ARHGEF18: variants seen among roughly 807,000 people sequenced by gnomAD.
ARHGEF18 encodes Rho/Rac guanine nucleotide exchange factor 18.
ARHGEF18 carries 93 observed loss-of-function variants against 155.7 expected under a neutral mutation model. That is an observed-to-expected ratio of 0.60 (90% CI 0.50 to 0.71). ARHGEF18 has a LOEUF of 0.71. ARHGEF18 is among the 30% of genes least tolerant of loss of function. ARHGEF18 has a pLI of 0.00. For missense variants in ARHGEF18, 1,593 were observed against 1,816.1 expected, an observed-to-expected ratio of 0.88 and a Z score of 2.23; for synonymous variants, 742 against 753.1, an observed-to-expected ratio of 0.99 and a Z score of 0.24.
At chr19:7,349,586 C>G (rs985876372) in intron 1 of ARHGEF18, among the ~76,000 whole-genome samples, 1 of 151,530 alleles carries the variant, frequency 6.6e-6, no homozygotes, top group Non-Finnish European at 1.5e-5. Context: ...GAGACCAGCC[C>G]GGCCAACATG....
intron 10 of ARHGEF18, among the ~76,000 whole-genome samples, chr19:7,399,048 C>T (rs942173069): frequency 5.9e-5 from 9 of 152,176 alleles, no homozygotes; most frequent in African/African-American, 1.9e-4. Flanking sequence ...TTTGCTGCCA[C>T]CTCTCTGAAA....
In ARHGEF18 at chr19:7,464,704, C is replaced by CT; in HGVS notation, c.2904+14_2904+15insT. ...TCGCCGCAGGTGGTACGTGGATATC[C>CT]ATTTGCTCGGTACAGTCTGAGTCGT... On this transcript the variant is annotated intron_variant, in intron 23 of 28. Coordinates refer to ENST00000668164, the MANE Select transcript of ARHGEF18 (RefSeq NM_001367823.1). 1.2e-6 allele frequency: 2 copies of CT among 1,613,812 alleles called. No individual in the cohort carries two copies. The highest frequency in any genetic ancestry group is 1.7e-6 in the Non-Finnish European group (2 of 1,179,908).
downstream of ARHGEF18, among the ~76,000 whole-genome samples, chr19:7,474,808 C>G (rs952604051): frequency 2.2e-5 from 3 of 139,370 alleles, no homozygotes; most frequent in African/African-American, 9.8e-5. Context: ...CTGATTTGCT[C>G]CACCCCAACC....
rs1350785255 is a variant in ARHGEF18 at position 7,463,419 on chromosome 19, A to T, written c.2636-399A>T. ...CTTCCCCACAAAGTCACTCTCCCAT[A>T]TGGCCATTGTCACACAATCAGTGTA... On this transcript the variant is annotated intron_variant, in intron 21 of 28. Coordinates refer to ENST00000668164, the MANE Select transcript of ARHGEF18 (RefSeq NM_001367823.1). The surrounding 1 kb of genome is among the most constrained non-coding windows in gnomAD (Gnocchi z 5.2). 2.6e-5 allele frequency among the ~76,000 whole-genome samples: 4 copies of T among 152,142 alleles called. No individual in the cohort carries two copies. The highest frequency in any genetic ancestry group is 2.6e-4 in the Admixed American group (4 of 15,280).
intron 10 of ARHGEF18, among the ~76,000 whole-genome samples, chr19:7,432,936 G>T (rs1974044956): frequency 6.6e-6 from 1 of 152,198 alleles, no homozygotes. Flanking sequence ...GAAGCGGGAG[G>T]ATCACTTAAG....
intron 10 of ARHGEF18, among the ~76,000 whole-genome samples, chr19:7,429,743 A>G (rs938548752): frequency 2.6e-5 from 4 of 152,172 alleles, no homozygotes; most frequent in African/African-American, 9.7e-5. Context: ...GAGGGCCCAC[A>G]CCCATAAGAG....
At chr19:7,388,729 C>T (rs1182739663) in intron 10 of ARHGEF18, among the ~76,000 whole-genome samples, 6 of 151,120 alleles carry the variant, frequency 4.0e-5, no homozygotes, top group African/African-American at 9.7e-5. Context: ...TGCAGGCATG[C>T]GCCACCACGC....
chr19:7,436,738 G>A (rs917292293), intron 10 of ARHGEF18, among the ~76,000 whole-genome samples: 1 of 152,166 alleles, frequency 6.6e-6, no homozygotes, highest in African/African-American at 2.4e-5. Flanking sequence ...ATATTTGTAC[G>A]TTTAGGTCAT....
chr19:7,387,316 C>T (rs979085356), intron 10 of ARHGEF18, among the ~76,000 whole-genome samples: 1 of 151,968 alleles, frequency 6.6e-6, no homozygotes, highest in Non-Finnish European at 1.5e-5. Flanking sequence ...CCATGCCCGG[C>T]TAATTTTTTG....
At position 7,447,087 on chromosome 19, in the gene ARHGEF18, G is replaced by A. The variant is rs1975045891; in HGVS notation, c.1656G>A (p.Val552=). ...AGAGAATGAAAGAAAAGTACGGTGT[G>A]TTTTGTAGTGGCCACAATGAAGCTG... The part of the protein sequence containing the change: ...NGERMKEKYG[V]FCSGHNEAVS... Residue 552 remains valine (V), a synonymous_variant, in exon 15 of 29, where the codon GTG becomes GTA. Coordinates refer to ENST00000668164, the MANE Select transcript of ARHGEF18 (RefSeq NM_001367823.1). The A allele has an allele frequency of 6.2e-7, 1 of 1,613,842 alleles. No homozygotes were observed. Among genetic ancestry groups the A allele is most frequent in the Non-Finnish European group, 8.5e-7 (1 of 1,179,928 alleles).
At position 7,422,716 on chromosome 19, in the gene ARHGEF18, CTTTTTTTTTTT is replaced by C. The variant is rs67634093; in HGVS notation, c.968-17618_968-17608del. 2.2e-4 allele frequency among the ~76,000 whole-genome samples: 24 copies of C among 111,214 alleles called. No individual in the cohort carries two copies. The South Asian group carries it at 6.5e-3, about 30-fold the overall frequency. 73.0% of individuals were successfully genotyped at this position (111,214 alleles called of 152,430 possible). Reference sequence around the variant, plus strand: ...CACAACAAAATGTGTTCTAACTTTTCTTTTTTTTTTTTTTTTTTTTGAGATGGAGTCTCACC... The same window carrying C: ...CACAACAAAATGTGTTCTAACTTTTCTTTTTTTTTGAGATGGAGTCTCACC... On this transcript the variant is annotated intron_variant, in intron 10 of 28. Coordinates refer to ENST00000668164, the MANE Select transcript of ARHGEF18 (RefSeq NM_001367823.1).
intron 7 of ARHGEF18, among the ~76,000 whole-genome samples, chr19:7,380,418 GC>G (rs1970674393): frequency 6.6e-6 from 1 of 151,010 alleles, no homozygotes; most frequent in Non-Finnish European, 1.5e-5. Flanking sequence ...GGCGGAGCTT[GC>G]AGTGAGCCGA....
At chr19:7,439,235 C>T (rs62109768) in intron 10 of ARHGEF18, among the ~76,000 whole-genome samples, 59,340 of 149,758 alleles carry the variant, frequency 0.4, 12,427 homozygotes, top group East Asian at 0.59. Flanking sequence ...GCAGGAGGAC[C>T]GCTTGAAGTC....
At chr19:7,430,386 A>G (rs1973889621) in intron 10 of ARHGEF18, among the ~76,000 whole-genome samples, 2 of 139,812 alleles carry the variant, frequency 1.4e-5, no homozygotes, top group Admixed American at 7.2e-5. Flanking sequence ...TTTTTTTTTG[A>G]CAGATGAAGT....
chr19:7,444,770 C>T lies in ARHGEF18; in HGVS notation c.1611+316C>T, dbSNP rs951832328. On this transcript the variant is annotated intron_variant, in intron 14 of 28. Coordinates refer to ENST00000668164, the MANE Select transcript of ARHGEF18 (RefSeq NM_001367823.1). The surrounding 1 kb of genome is among the most constrained non-coding windows in gnomAD (Gnocchi z 4.7). ...GTGATCCTCCTGCCTCAGCCTTCCA[C>T]GTAGCTGGGACTCCAGGGAACACCA... Among the ~76,000 whole-genome samples the T allele has an allele frequency of 6.6e-5, 10 of 152,104 alleles. No individual in the cohort carries two copies. The highest frequency in any genetic ancestry group is 1.3e-4 in the Admixed American group (2 of 15,266).
intron 1 of ARHGEF18, among the ~76,000 whole-genome samples, chr19:7,362,421 T>C (rs1240639199): frequency 2.0e-5 from 3 of 152,192 alleles, no homozygotes; most frequent in East Asian, 3.9e-4. Context: ...ATTGATCAAC[T>C]GAGGGCTTTT....
intron 10 of ARHGEF18, among the ~76,000 whole-genome samples, chr19:7,427,709 G>C (rs1973742512): frequency 6.6e-6 from 1 of 151,834 alleles, no homozygotes; most frequent in African/African-American, 2.4e-5. Flanking sequence ...ACTTTGGGAG[G>C]CTGAGGCAGG....
chr19:7,386,685 T>C (rs1363998060), intron 10 of ARHGEF18, among the ~76,000 whole-genome samples: 1 of 152,024 alleles, frequency 6.6e-6, no homozygotes, highest in African/African-American at 2.4e-5. Context: ...AGAAGAGGTC[T>C]GTCGGAACCT....
At chr19:7,371,982 A>C (rs1015244387) in intron 2 of ARHGEF18, among the ~76,000 whole-genome samples, 1 of 152,182 alleles carries the variant, frequency 6.6e-6, no homozygotes, top group Non-Finnish European at 1.5e-5. Context: ...ACAAGTGTGG[A>C]CACTGGCCCC....
Sources: allele counts gnomAD v4.1 joint callset (sites outside exome capture counted in the v4.1 genomes callset), GRCh38; gene constraint gnomAD v4.1.1; non-coding constraint Gnocchi (gnomAD v3.1); transcripts MANE v1.5; gene names NCBI Gene and HGNC (gene_info 2026-07-23, HGNC 2026-07-21).